ABCD4: variants seen among roughly 807,000 people sequenced by gnomAD.
The protein encoded by ABCD4 is ATP binding cassette subfamily D member 4.
In ABCD4, 53 loss-of-function variants were observed where a neutral mutation model predicts 86.3. The ratio of observed to expected loss-of-function variants is 0.61; its 90% CI spans 0.49 to 0.77. The LOEUF (loss-of-function observed/expected upper bound fraction) is 0.77, where lower values mean the gene tolerates loss of function less well. Among genes scored for constraint, ABCD4 ranks in the 30% least tolerant of loss-of-function variants. The pLI is 0.00. For missense variants in ABCD4, 757 were observed against 764.5 expected (o/e 0.99, Z 0.12); for synonymous variants, 328 against 313.6 (o/e 1.05, Z -0.49).
Position 74,293,206 on chromosome 14 carries a change from C to T in ABCD4, c.762G>A (p.Gln254=), listed in dbSNP as rs1195103006. The part of the protein sequence containing the change: ...VEHMRTDRRL[Q]RLLQTQRELM... ...GCTCCCTCTGGGTCTGAAGGAGTCT[C>T]TGCAGCCTGCGGTCTGTCCTCATGT... is the stretch of plus-strand genomic sequence containing the variant. The change falls in exon 8 of 19, where the codon CAG becomes CAA. Residue 254 remains glutamine (Q), a synonymous_variant. Coordinates refer to ENST00000356924, the MANE Select transcript of ABCD4 (RefSeq NM_005050.4). 1 of 1,614,200 alleles carries T rather than the reference C, an allele frequency of 6.2e-7. No homozygotes were observed. Among genetic ancestry groups the T allele is most frequent in the East Asian group, 2.2e-5 (1 of 44,882 alleles).
At chr14:74,297,626 C>G (rs2083204922) in intron 4 of ABCD4, 4 of 836,088 alleles carry the variant, frequency 4.8e-6, no homozygotes, top group Non-Finnish European at 5.9e-6. Flanking sequence ...TGGCTATTCC[C>G]AAGTGTGCTC....
At chr14:74,294,700 G>A (rs933433422) in intron 7 of ABCD4, 2 of 163,480 alleles carry the variant, frequency 1.2e-5, no homozygotes, top group African/African-American at 4.8e-5. Flanking sequence ...CAGACGCTTG[G>A]CTCCATTAGA....
In ABCD4 at chr14:74,290,076, A is replaced by G; in HGVS notation, c.1370T>C (p.Leu457Pro). ...GAAGAATGGCTTTTGTGGCAGGAAT[A>G]GCACCCCATGGGGCCCAAAGTCCGT... ...MLTDFGPHGV[L>P]FLPQKPFFTD... Residue 457 changes from leucine (L) to proline (P), a missense_variant, in exon 13 of 19, where the codon CTA (leucine) becomes CCA (proline). Transcript: ENST00000356924. 3.1e-6 allele frequency: 5 copies of G among 1,614,136 alleles called. No homozygotes were observed. Among genetic ancestry groups the G allele is most frequent in the Non-Finnish European group, 4.2e-6 (5 of 1,180,016 alleles).
chr14:74,293,367 C>G (rs1480563043), intron 7 of ABCD4, 119 bp from the exon 8 acceptor site: 3 of 853,484 alleles, frequency 3.5e-6, no homozygotes, highest in Non-Finnish European at 5.5e-6. Context: ...ATCTTGGTCT[C>G]AGGATCTGTC....
intron 15 of ABCD4, 107 bp from the exon 16 acceptor site, chr14:74,288,366 A>G (rs1473191562): frequency 8.9e-7 from 1 of 1,127,866 alleles, no homozygotes; most frequent in Non-Finnish European, 1.3e-6. Context: ...CCTCTAAGAC[A>G]AATATATGCC....
In ABCD4 at chr14:74,292,882, C is replaced by G. The variant is rs74063815; in HGVS notation, c.815-13G>C. Reference sequence around the variant, plus strand: ...GTGTTGATGCCGACTGTAGAAAACACATCTGTGAGACACCCAGGAACCATC... The same window carrying G: ...GTGTTGATGCCGACTGTAGAAAACAGATCTGTGAGACACCCAGGAACCATC... On this transcript the variant is annotated splice_polypyrimidine_tract_variant and intron_variant, in intron 8 of 18. Transcript: ENST00000356924. 19,661 of 1,614,012 alleles carry G rather than the reference C, an allele frequency of 0.012. 2,017 individuals are homozygous for G. The African/African-American group carries it at 0.23, about 19-fold the overall frequency.
rs2079684168 is a variant in ABCD4, at chr14:74,286,092, A to G, written c.*369T>C. 5 of 178,932 alleles carry G rather than the reference A, an allele frequency of 2.8e-5. No homozygotes were observed. The Admixed American group carries it at 2.9e-4, about 11-fold the overall frequency. The allele number at this position is 178,932 out of a possible 1,614,324, so 11.1% of individuals were successfully genotyped here. A position where few individuals can be genotyped will look rare whatever the true frequency, so the allele number is the denominator to read the frequency against. On this transcript the variant is annotated 3_prime_UTR_variant, in exon 19 of 19. Coordinates refer to ENST00000356924, the MANE Select transcript of ABCD4 (RefSeq NM_005050.4). ...TATTGCTGCACAATTTAACTGATTA[A>G]AAGATTTCCAGATCTCTTGACTCCA...
chr14:74,294,052 TTTTTC>T (rs1359825020), intron 7 of ABCD4: 13 of 134,912 alleles, frequency 9.6e-5, no homozygotes, highest in Admixed American at 2.8e-4. Context: ...AAAAGCAACT[TTTTTC>T]TTTTTTTTTT....
At chr14:74,302,766 G>C in intron 1 of ABCD4, 109 bp downstream of exon 1, 2 of 1,240,002 alleles carry the variant, frequency 1.6e-6, no homozygotes, top group Non-Finnish European at 1.1e-6. Context: ...AGTCACGGGG[G>C]CGAGACGGGG....
rs1368649815 is a variant in ABCD4, at chr14:74,292,329, T to G, written c.1076A>C (p.Gln359Pro). 5.0e-6 allele frequency: 8 copies of G among 1,613,976 alleles called. No homozygotes were observed. Among genetic ancestry groups the G allele is most frequent in the Middle Eastern group, 1.6e-4 (1 of 6,084 alleles). The change falls in exon 11 of 19, where the codon CAG becomes CCG. Residue 359 changes from glutamine to proline, a missense_variant. Transcript: ENST00000356924. ...GCTCTCGCCCAGGATCTCGCAGTCC[T>G]GTGACTTCAGGGACATGTCCAGAAG... The part of the protein sequence containing the change: ...ETLLDMSLKS[Q>P]DCEILGESEW...
intron 14 of ABCD4, 35 bp downstream of exon 14, chr14:74,289,445 CAGA>C (rs1594845210): frequency 1.3e-5 from 21 of 1,612,828 alleles, no homozygotes; most frequent in Middle Eastern, 3.3e-4. Context: ...ACAACCATGA[CAGA>C]AGGAGAGGAC....
At chr14:74,292,194 C>T (rs537783700) in intron 11 of ABCD4, 93 bp downstream of exon 11, 3 of 1,189,244 alleles carry the variant, frequency 2.5e-6, no homozygotes, top group African/African-American at 3.0e-5. Context: ...ACTCTGCTGC[C>T]CAGCTGGGAA....
At chr14:74,292,663 T>C (rs1431676454) in intron 9 of ABCD4, 21 bp from the exon 10 acceptor site, 1 of 1,612,708 alleles carries the variant, frequency 6.2e-7, no homozygotes, top group South Asian at 1.1e-5. Context: ...TGGGAAGAGG[T>C]CAAGCAGGTC....
chr14:74,291,676 G>A (rs891590690), intron 11 of ABCD4, among the ~76,000 whole-genome samples: 1 of 152,186 alleles, frequency 6.6e-6, no homozygotes, highest in Non-Finnish European at 1.5e-5. Flanking sequence ...TAGCTCCTAA[G>A]AAAAGCAAGT....
Position 74,299,685 on chromosome 14 carries a change from G to A in ABCD4, c.158-10C>T. On this transcript the variant is annotated splice_polypyrimidine_tract_variant and intron_variant, in intron 2 of 18. Transcript: ENST00000356924. ...TAGATCACAAATTGCTCTGAAAGGA[G>A]GGAGAGGAGTAAGAAATCAGTGATG... is the stretch of plus-strand genomic sequence containing the variant. 4 of 1,609,138 alleles carry A rather than the reference G, an allele frequency of 2.5e-6. No homozygotes were observed. Among genetic ancestry groups the A allele is most frequent in the Non-Finnish European group, 3.4e-6 (4 of 1,177,420 alleles).
chr14:74,286,591 T>G, intron 18 of ABCD4, 62 bp from the exon 19 acceptor site: 1 of 1,612,278 alleles, frequency 6.2e-7, no homozygotes, highest in Non-Finnish European at 8.5e-7. Flanking sequence ...AGGAGGCCAC[T>G]CGGTTCTCTC....
Position 74,288,771 on chromosome 14 carries a change from CAACA to C in ABCD4, c.1457-10_1457-7del. The C allele has an allele frequency of 6.2e-7, 1 of 1,613,276 alleles. No individual in the cohort carries two copies. The highest frequency in any genetic ancestry group is 2.2e-5 in the East Asian group (1 of 44,860). The stretch of plus-strand genomic sequence containing the variant: ...CCTCTCATCATCGGCAGAACCTGCA[CAACA>C]AAGAAGCCTTCTGCAAAAAGCCAGA... On this transcript the variant is annotated splice_region_variant and splice_polypyrimidine_tract_variant and intron_variant, in intron 14 of 18. Coordinates refer to ENST00000356924, the MANE Select transcript of ABCD4 (RefSeq NM_005050.4).
At position 74,290,075 on chromosome 14, in the gene ABCD4, T is replaced by C. The variant is rs780349078; in HGVS notation, c.1371A>G (p.Leu457=). Residue 457 remains leucine, a synonymous_variant, in exon 13 of 19, where the codon CTA becomes CTG. Transcript: ENST00000356924. ...MLTDFGPHGV[L]FLPQKPFFTD... The stretch of plus-strand genomic sequence containing the variant: ...TGAAGAATGGCTTTTGTGGCAGGAA[T>C]AGCACCCCATGGGGCCCAAAGTCCG... The C allele has an allele frequency of 1.2e-5, 20 of 1,613,388 alleles. No homozygotes were observed. Among genetic ancestry groups the C allele is most frequent in the Admixed American group, 1.2e-4 (7 of 59,962 alleles).
chr14:74,292,786 C>A lies in ABCD4; in HGVS notation c.898G>T (p.Asp300Tyr). ...GTGCTAAGCTCTGCGGGACTCAGGTCTCCATAGACCCCGCTGAAAATGGGG... is the reference window on the plus strand; with the variant it reads ...GTGCTAAGCTCTGCGGGACTCAGGTATCCATAGACCCCGCTGAAAATGGGG... ...AIPIFSGVYG[D>Y]LSPAELSTLV... is the part of the protein sequence containing the mutation. Residue 300 changes from aspartate (D) to tyrosine (Y), a missense_variant, in exon 9 of 19, where the codon GAC (aspartate) becomes TAC (tyrosine). By Grantham distance (160) the Asp-to-Tyr change is radical. Transcript: ENST00000356924. 1 of 1,614,120 alleles carries A rather than the reference C, an allele frequency of 6.2e-7. No homozygotes were observed.
Sources: gnomAD v4.1 joint callset for allele counts (sites outside exome capture counted in the v4.1 genomes callset) on GRCh38, gnomAD v4.1.1 for gene constraint, MANE v1.5 for transcripts, NCBI Gene and HGNC (gene_info 2026-07-23, HGNC 2026-07-21) for gene names.